The following KCND2 variants were observed in gnomAD, a reference collection of about 807,000 sequenced individuals.
KCND2 encodes potassium voltage-gated channel subfamily D member 2.
KCND2 carries 16 observed loss-of-function variants against 54.4 expected under a neutral mutation model. That is an observed-to-expected ratio of 0.29 (90% CI 0.20 to 0.45). The LOEUF (loss-of-function observed/expected upper bound fraction) is 0.45. Ranked by LOEUF, KCND2 falls within the 20% of genes least tolerant of loss-of-function variation. The probability of loss-of-function intolerance (pLI) is 1.00; values close to 1 mark genes in which losing one functional copy is unlikely to be tolerated. For synonymous variants in KCND2, 317 were observed against 310.7 expected (o/e 1.02, Z -0.21); for missense variants, 486 against 824.2 (o/e 0.59, Z 5.02).
chr7:120,505,220 G>A (rs1451092987), intron 1 of KCND2, among the ~76,000 whole-genome samples: 1 of 151,704 alleles, frequency 6.6e-6, no homozygotes, highest in East Asian at 1.9e-4. Context: ...GGCGTGAGGT[G>A]GCCAAAGATA....
intron 1 of KCND2, among the ~76,000 whole-genome samples, chr7:120,344,588 C>T (rs1365546937): frequency 6.6e-6 from 1 of 152,104 alleles, no homozygotes; most frequent in Non-Finnish European, 1.5e-5. Context: ...CCACATTAAT[C>T]GTACTAGATT....
At chr7:120,603,830 A>G (rs927238865) in intron 1 of KCND2, among the ~76,000 whole-genome samples, 1 of 152,192 alleles carries the variant, frequency 6.6e-6, no homozygotes, top group Non-Finnish European at 1.5e-5. Flanking sequence ...ATTTTGCACA[A>G]TGTAATAAGA....
rs867310143 is a variant in KCND2, at chr7:120,414,378, A to G, written c.1115+138631A>G. Among the ~76,000 whole-genome samples, 6 of 152,260 alleles carry G rather than the reference A, an allele frequency of 3.9e-5. No individual in the cohort carries two copies. In the South Asian group the frequency reaches 8.3e-4, roughly 21 times the overall value. ...AGTAATTACCAATTGTCCAATTACC[A>G]TTACTCCCATTTGACTATTTTGTTA... On this transcript the variant is annotated intron_variant, in intron 1 of 5. Transcript: ENST00000331113.
At chr7:120,715,051 T>C (rs541154356) in intron 1 of KCND2, among the ~76,000 whole-genome samples, 171 of 152,158 alleles carry the variant, frequency 1.1e-3, no homozygotes, top group Non-Finnish European at 2.2e-3. Flanking sequence ...CTGACTTCCC[T>C]TGGCATTCAC....
intron 1 of KCND2, among the ~76,000 whole-genome samples, chr7:120,691,658 T>A (rs1792270025): frequency 6.6e-6 from 1 of 152,140 alleles, no homozygotes; most frequent in Non-Finnish European, 1.5e-5. Context: ...CAGTTGGCTA[T>A]GTGAGTCTAG....
chr7:120,645,577 T>C (rs183892784), intron 1 of KCND2, among the ~76,000 whole-genome samples: 2 of 152,202 alleles, frequency 1.3e-5, no homozygotes, highest in East Asian at 3.9e-4. Context: ...CCACATAACA[T>C]GTGGCATGCT....
At chr7:120,589,265 C>T (rs1792640538) in intron 1 of KCND2, among the ~76,000 whole-genome samples, 1 of 151,950 alleles carries the variant, frequency 6.6e-6, no homozygotes, top group Admixed American at 6.6e-5. Context: ...ACAGATTCAC[C>T]ATGTCAAATA....
intron 1 of KCND2, among the ~76,000 whole-genome samples, chr7:120,521,571 A>G (rs1791693882): frequency 6.6e-6 from 1 of 152,116 alleles, no homozygotes; most frequent in Admixed American, 6.6e-5. Flanking sequence ...AATACAGTCA[A>G]CTGTCATTTT....
intron 1 of KCND2, among the ~76,000 whole-genome samples, chr7:120,639,376 G>A (rs1197343647): frequency 6.6e-6 from 1 of 152,010 alleles, no homozygotes; most frequent in East Asian, 1.9e-4. Context: ...TAGTACAGCT[G>A]GTCTTTTATA....
At chr7:120,573,274 A>G (rs925274595) in intron 1 of KCND2, among the ~76,000 whole-genome samples, 1 of 152,338 alleles carries the variant, frequency 6.6e-6, no homozygotes, top group South Asian at 2.1e-4. Flanking sequence ...TATATTATAC[A>G]TTACCACAGA....
intron 4 of KCND2, among the ~76,000 whole-genome samples, chr7:120,743,627 G>A (rs766936026): frequency 1.3e-5 from 2 of 152,164 alleles, no homozygotes; most frequent in African/African-American, 4.8e-5. Context: ...GTGGAGACCT[G>A]CAGGGTGACT....
At chr7:120,331,058 G>T (rs1340854676) in intron 1 of KCND2, among the ~76,000 whole-genome samples, 3 of 152,080 alleles carry the variant, frequency 2.0e-5, no homozygotes, top group African/African-American at 7.2e-5. Context: ...TAATCATTGT[G>T]TAAGATTTCA....
intron 1 of KCND2, among the ~76,000 whole-genome samples, chr7:120,653,204 T>TG (rs1791759721): frequency 7.5e-6 from 1 of 133,274 alleles, no homozygotes; most frequent in Admixed American, 8.9e-5. Flanking sequence ...TGGCTACATT[T>TG]TTTTTTTTTT....
intron 2 of KCND2, 137 bp downstream of exon 2, chr7:120,733,202 A>G (rs1364834513): frequency 1.3e-5 from 10 of 793,868 alleles, no homozygotes; most frequent in Non-Finnish European, 1.9e-5. Flanking sequence ...GTTATTCTAC[A>G]CTAAAAAGAA....
chr7:120,298,987 C>T (rs567227187), intron 1 of KCND2, among the ~76,000 whole-genome samples: 17 of 152,118 alleles, frequency 1.1e-4, no homozygotes, highest in Admixed American at 7.2e-4. Flanking sequence ...GGTGAAACCC[C>T]GTCTCTACTA....
At chr7:120,649,044 C>T (rs1333654931) in intron 1 of KCND2, among the ~76,000 whole-genome samples, 2 of 152,100 alleles carry the variant, frequency 1.3e-5, no homozygotes, top group Non-Finnish European at 2.9e-5. Flanking sequence ...CTCATTGACA[C>T]AGGAAGAAAA....
chr7:120,680,207 A>G (rs1187598501), intron 1 of KCND2, among the ~76,000 whole-genome samples: 1 of 152,136 alleles, frequency 6.6e-6, no homozygotes, highest in Non-Finnish European at 1.5e-5. Flanking sequence ...GGAATAGAAA[A>G]TATATGATCC....
intron 5 of KCND2, chr7:120,746,685 G>A (rs1372506212): frequency 6.6e-6 from 1 of 152,582 alleles, no homozygotes; most frequent in Non-Finnish European, 1.5e-5. Context: ...CCACAAATGT[G>A]TAAAAATAAA....
At chr7:120,622,291 T>C (rs1793108730) in intron 1 of KCND2, among the ~76,000 whole-genome samples, 1 of 152,156 alleles carries the variant, frequency 6.6e-6, no homozygotes. Flanking sequence ...AGGCATCAAC[T>C]TCAAAGTTCA....
Sources: gnomAD v4.1 joint callset for allele counts (sites outside exome capture counted in the v4.1 genomes callset) on GRCh38, gnomAD v4.1.1 for gene constraint, MANE v1.5 for transcripts, NCBI Gene and HGNC (gene_info 2026-07-23, HGNC 2026-07-21) for gene names.